TULP4: variants seen among roughly 807,000 people sequenced by gnomAD.
TULP4 encodes the protein TUB like protein 4.
TULP4 carries 16 observed loss-of-function variants against 129.0 expected under a neutral mutation model. The observed-to-expected ratio is 0.12, with a 90% CI of 0.08 to 0.19. TULP4 has a LOEUF of 0.19. TULP4 is among the 10% of genes least tolerant of loss of function. The pLI, the probability that TULP4 is intolerant of heterozygous loss-of-function variation, is 1.00. For missense variants in TULP4, 1,842 were observed against 2,059.1 expected (o/e 0.89, Z 2.04); for synonymous variants, 998 against 854.0 (o/e 1.17, Z -2.94).
At chr6:158,320,444 T>C (rs1445768569) in intron 1 of TULP4, among the ~76,000 whole-genome samples, 1 of 151,954 alleles carries the variant, frequency 6.6e-6, no homozygotes, top group African/African-American at 2.4e-5. Flanking sequence ...TTTTTTTTTT[T>C]TTTTTTACAC....
intron 1 of TULP4, among the ~76,000 whole-genome samples, chr6:158,270,597 C>G (rs1778530318): frequency 6.6e-6 from 1 of 152,170 alleles, no homozygotes; most frequent in Admixed American, 6.5e-5. Flanking sequence ...CTGAGTGTTG[C>G]TTGGCTGCTT....
chr6:158,493,235 A>G lies in TULP4; in HGVS notation c.1632-338A>G, dbSNP rs1019020407. Among the ~76,000 whole-genome samples the G allele has an allele frequency of 4.6e-5, 7 of 152,112 alleles. No individual in the cohort carries two copies. The highest frequency in any genetic ancestry group is 1.7e-4 in the African/African-American group (7 of 41,428). On this transcript the variant is annotated intron_variant, in intron 9 of 13. Coordinates refer to ENST00000367097, the MANE Select transcript of TULP4 (RefSeq NM_020245.5). This position sits in a 1 kb window ranked among gnomAD's most constrained non-coding sequence, Gnocchi z 4.4. ...TGCTCTGTCATCCAGGCTCAAGTGG[A>G]GTTGTGTAATCGTAGCTCATTGCAG...
At chr6:158,458,333 A>T (rs138603921) in intron 5 of TULP4, among the ~76,000 whole-genome samples, 2 of 152,232 alleles carry the variant, frequency 1.3e-5, no homozygotes, top group East Asian at 3.9e-4. Flanking sequence ...GGTGTGCTGA[A>T]TTTTTTTGTG....
chr6:158,256,061 CTATT>C (rs1478070083), intron 1 of TULP4, among the ~76,000 whole-genome samples: 1 of 152,156 alleles, frequency 6.6e-6, no homozygotes, highest in Non-Finnish European at 1.5e-5. Context: ...TGAACTCTTA[CTATT>C]TAAAGTAACT....
At chr6:158,485,567 A>C (rs1292479752) in intron 8 of TULP4, among the ~76,000 whole-genome samples, 1 of 152,236 alleles carries the variant, frequency 6.6e-6, no homozygotes, top group East Asian at 1.9e-4. Context: ...TTCAAGAAGA[A>C]AGAAAAATAA....
intron 1 of TULP4, among the ~76,000 whole-genome samples, chr6:158,400,649 T>C (rs1777821318): frequency 6.6e-6 from 1 of 152,202 alleles, no homozygotes; most frequent in Admixed American, 6.5e-5. Context: ...TTGTTTTTGC[T>C]TATGCTTAAT....
intron 1 of TULP4, among the ~76,000 whole-genome samples, chr6:158,246,716 C>T (rs779975253): frequency 6.6e-6 from 1 of 151,890 alleles, no homozygotes; most frequent in East Asian, 1.9e-4. Flanking sequence ...AAATTTATGC[C>T]CTTTTTCCTT....
chr6:158,420,403 T>TTA (rs1325476185), intron 2 of TULP4, among the ~76,000 whole-genome samples: 3 of 152,244 alleles, frequency 2.0e-5, no homozygotes, highest in African/African-American at 7.2e-5. Context: ...GGCATGATGA[T>TTA]TATAGACCAC....
At chr6:158,410,393 C>T (rs888883255) in intron 1 of TULP4, among the ~76,000 whole-genome samples, 42 of 152,130 alleles carry the variant, frequency 2.8e-4, no homozygotes, top group Admixed American at 2.7e-3. Context: ...GCTAGCCTCT[C>T]TCCTCTGGAG....
At chr6:158,365,401 A>C (rs1232483015) in intron 1 of TULP4, among the ~76,000 whole-genome samples, 3 of 149,600 alleles carry the variant, frequency 2.0e-5, no homozygotes, top group Non-Finnish European at 4.5e-5. Context: ...TGTTTCTAAA[A>C]ATTTTTTTTT....
At position 158,239,464 on chromosome 6, in the gene TULP4, A is replaced by G. The variant is rs1310713782; in HGVS notation, n.68+7161A>G. 1.4e-4 allele frequency among the ~76,000 whole-genome samples: 5 copies of G among 35,452 alleles called. 1 individual carries two copies. The highest frequency in any genetic ancestry group is 1.4e-3 in the Admixed American group (4 of 2,926). 23.3% of individuals were successfully genotyped at this position (35,452 alleles called of 152,430 possible). Reference sequence around the variant, plus strand: ...GGGCGGCTGGCCGGGTGGGGGGCTGACCCCCCCACCTCCCTCCCGGACGGG... The same window carrying G: ...GGGCGGCTGGCCGGGTGGGGGGCTGGCCCCCCCACCTCCCTCCCGGACGGG... On this transcript the variant is annotated intron_variant and non_coding_transcript_variant, in intron 1 of 1. Coordinates refer to the TULP4 transcript ENST00000620026.
rs1181747679 is a variant in TULP4, at chr6:158,501,665, A to T, written c.2015-13A>T. On this transcript the variant is annotated splice_polypyrimidine_tract_variant and intron_variant, in intron 12 of 13. Transcript: ENST00000367097. ...GTTTTTGTAAGCAGTTCCTTTTTCT[A>T]ATTTTCTTCCAGTGACAGGAGCATC... The T allele has an allele frequency of 4.4e-6, 7 of 1,597,348 alleles. No individual in the cohort carries two copies. In the Admixed American group the frequency reaches 6.9e-5, roughly 16 times the overall value.
intron 1 of TULP4, among the ~76,000 whole-genome samples, chr6:158,276,913 CT>C (rs576641766): frequency 2.0e-5 from 3 of 150,990 alleles, no homozygotes; most frequent in East Asian, 1.9e-4. Flanking sequence ...TGCTGGTCTT[CT>C]TTTTTTTTGG....
intron 1 of TULP4, among the ~76,000 whole-genome samples, chr6:158,383,939 G>A (rs1777381958): frequency 6.6e-6 from 1 of 152,184 alleles, no homozygotes; most frequent in African/African-American, 2.4e-5. Context: ...GAAAATGAGA[G>A]TAAAGTAGTT....
chr6:158,411,566 A>G (rs1002751072), intron 1 of TULP4, among the ~76,000 whole-genome samples: 12 of 152,248 alleles, frequency 7.9e-5, no homozygotes, highest in Non-Finnish European at 4.4e-5. Flanking sequence ...AAAAAGAGCT[A>G]TGATATTCTT....
intron 1 of TULP4, among the ~76,000 whole-genome samples, chr6:158,273,611 A>G (rs1778587640): frequency 6.6e-6 from 1 of 152,170 alleles, no homozygotes; most frequent in Non-Finnish European, 1.5e-5. Context: ...GCCCTGTCCC[A>G]TTCTTCTTCA....
Position 158,511,777 on chromosome 6 carries a change from A to T in TULP4, c.*5083A>T, listed in dbSNP as rs1376711534. 1 of 152,146 alleles carries T rather than the reference A, an allele frequency of 6.6e-6. No homozygotes were observed. The highest frequency in any genetic ancestry group is 1.5e-5 in the Non-Finnish European group (1 of 68,032). 9.4% of individuals were successfully genotyped at this position (152,146 alleles called of 1,614,324 possible). A position where few individuals can be genotyped will look rare whatever the true frequency, so the allele number is the denominator to read the frequency against. Reference sequence around the variant, plus strand: ...CCTTATTTTTTTCTTGATGATTTGAAGTTGTAAGAGTTGTCCAGCTATTGC... The same window carrying T: ...CCTTATTTTTTTCTTGATGATTTGATGTTGTAAGAGTTGTCCAGCTATTGC... On this transcript the variant is annotated 3_prime_UTR_variant, in exon 14 of 14. Coordinates refer to ENST00000367097, the MANE Select transcript of TULP4 (RefSeq NM_020245.5).
chr6:158,482,029 C>T (rs1353282299), intron 8 of TULP4, among the ~76,000 whole-genome samples: 4 of 152,218 alleles, frequency 2.6e-5, no homozygotes, highest in South Asian at 2.1e-4. Flanking sequence ...TATGGCAGAA[C>T]GAACAGCACG....
chr6:158,302,558 A>G (rs1779149735), intron 1 of TULP4, among the ~76,000 whole-genome samples: 1 of 152,170 alleles, frequency 6.6e-6, no homozygotes, highest in Non-Finnish European at 1.5e-5. Context: ...CAACCAATTG[A>G]GTTAAAGCCT....
Sources: gnomAD v4.1 joint callset for allele counts (sites outside exome capture counted in the v4.1 genomes callset) on GRCh38, gnomAD v4.1.1 for gene constraint, Gnocchi (gnomAD v3.1) non-coding constraint, MANE v1.5 for transcripts, NCBI Gene and HGNC (gene_info 2026-07-23, HGNC 2026-07-21) for gene names.